The following CHD5 variants were observed in gnomAD, a reference collection of about 807,000 sequenced individuals.
CHD5 encodes chromodomain helicase DNA binding protein 5.
In CHD5, 69 loss-of-function variants were observed where a neutral mutation model predicts 230.3. That is an observed-to-expected ratio of 0.30 (90% CI 0.25 to 0.37). CHD5 has a LOEUF of 0.37. CHD5 is among the 10% of genes least tolerant of loss of function. The pLI, the probability that CHD5 is intolerant of heterozygous loss-of-function variation, is 1.00. For synonymous variants in CHD5, 1,064 were observed against 1,065.9 expected, an observed-to-expected ratio of 1.00 and a Z score of 0.03; for missense variants, 1,827 against 2,622.8, an observed-to-expected ratio of 0.70 and a Z score of 6.63.
chr1:6,146,633 G>A lies in CHD5; in HGVS notation c.1590+32C>T. On this transcript the variant is annotated intron_variant, in intron 10 of 41. Coordinates refer to ENST00000262450, the MANE Select transcript of CHD5 (RefSeq NM_015557.3). This position sits in a 1 kb window ranked among gnomAD's most constrained non-coding sequence, Gnocchi z 5.1. ...GGGTCCAGGGCTCACCAGGTCCCGG[G>A]CCTTAGCACAGCCACCCTCCCGGGC... The A allele has an allele frequency of 6.2e-7, 1 of 1,607,312 alleles. No homozygotes were observed. The highest frequency in any genetic ancestry group is 8.5e-7 in the Non-Finnish European group (1 of 1,174,270).
In CHD5 at chr1:6,128,549, C is replaced by G. The variant is rs1557544846; in HGVS notation, c.3680G>C (p.Gly1227Ala). The G allele has an allele frequency of 1.2e-6, 2 of 1,614,160 alleles. No individual in the cohort carries two copies. The highest frequency in any genetic ancestry group is 1.7e-6 in the Non-Finnish European group (2 of 1,180,024). Residue 1227 changes from glycine (G) to alanine (A), a missense_variant, in exon 24 of 42, where the codon GGG becomes GCG. Gly to Ala is a moderately conservative substitution (Grantham distance 60). This residue lies in a region of CHD5 where 25 missense variants were observed against 20.3 expected (regional missense o/e 1.23). Transcript: ENST00000262450. The surrounding 1 kb of genome is among the most constrained non-coding windows in gnomAD (Gnocchi z 7.8). ...CTTTGCACTGGCGGCCAAGTTCCCC[C>G]CTTTGGAGGACTGGACATCAGGGAT... ...TPIPDVQSSKGGNLAASAKKK... is the reference protein window; with the variant it reads ...TPIPDVQSSKAGNLAASAKKK...
rs1666316966 is a variant in CHD5 at position 6,112,971 on chromosome 1, ATCT to A, written c.4937_4939del (p.Lys1646del). 1.2e-6 allele frequency: 2 copies of A among 1,613,816 alleles called. No individual in the cohort carries two copies. Among genetic ancestry groups the A allele is most frequent in the Non-Finnish European group, 1.7e-6 (2 of 1,179,900 alleles). On this transcript the variant is annotated inframe_deletion, in exon 34 of 42. Coordinates refer to ENST00000262450, the MANE Select transcript of CHD5 (RefSeq NM_015557.3). ...CAAGCTCAGCTCCAGCTTGTCCAGG[ATCT>A]TCTCCTTCTCAGGAAGCACCTCCTC...
In CHD5 at chr1:6,111,791, G is replaced by A. The variant is rs1666295204; in HGVS notation, c.5233C>T (p.Leu1745=). The part of the protein sequence containing the change: ...IWHRRHDYWL[L]AGIVTHGYAR... Reference sequence around the variant, plus strand: ...CAAGGATACGTCACGATGCCCGCCAGCAGCCAGTAGTCATGGCGCCGGTGC... The same window carrying A: ...CAAGGATACGTCACGATGCCCGCCAACAGCCAGTAGTCATGGCGCCGGTGC... Residue 1745 remains leucine, a synonymous_variant, in exon 36 of 42, where the codon CTG becomes TTG. Coordinates refer to ENST00000262450, the MANE Select transcript of CHD5 (RefSeq NM_015557.3). 1.2e-6 allele frequency: 2 copies of A among 1,613,248 alleles called. No homozygotes were observed. The highest frequency in any genetic ancestry group is 2.2e-5 in the East Asian group (1 of 44,884).
rs377385106 is a variant in CHD5, at chr1:6,125,115, C to T, written c.4379G>A (p.Ser1460Asn). 5.0e-6 allele frequency: 8 copies of T among 1,595,236 alleles called. No individual in the cohort carries two copies. In the East Asian group the frequency reaches 1.4e-4, roughly 27 times the overall value. Residue 1460 changes from serine to asparagine, a missense_variant, in exon 29 of 42, where the codon AGC becomes AAC. Coordinates refer to ENST00000262450, the MANE Select transcript of CHD5 (RefSeq NM_015557.3). The surrounding 1 kb of genome is among the most constrained non-coding windows in gnomAD (Gnocchi z 6.7). ...GCCCCTTTACCTAAACTCCTTCTCG[C>T]TCTTCCCTCGAAGGTCCCGCACCAG... ...HWLVRDLRGK[S>N]EKEFRAYVSL...
intron 9 of CHD5, among the ~76,000 whole-genome samples, chr1:6,148,398 A>C (rs1322197556): frequency 6.6e-6 from 1 of 152,156 alleles, no homozygotes; most frequent in East Asian, 1.9e-4. Context: ...GGCTCCAGGA[A>C]CCTGAATTTG....
At position 6,106,636 on chromosome 1, in the gene CHD5, C is replaced by G; in HGVS notation, c.5722G>C (p.Gly1908Arg). 1 of 1,587,246 alleles carries G rather than the reference C, an allele frequency of 6.3e-7. No homozygotes were observed. The highest frequency in any genetic ancestry group is 8.6e-7 in the Non-Finnish European group (1 of 1,167,376). Reference protein sequence around the residue: ...SILSRLTNRAGDPTIQQGAFG... With the variant: ...SILSRLTNRARDPTIQQGAFG... ...CTGACCTGCTGGATGGTGGGGTCCC[C>G]GGCGCGGTTGGTCAGGCGGCTCAGG... The change falls in exon 39 of 42, where the codon GGG becomes CGG. Residue 1908 changes from glycine (G) to arginine (R), a missense_variant. Transcript: ENST00000262450.
chr1:6,129,142 G>A lies in CHD5; in HGVS notation c.3388-73C>T, dbSNP rs570437921. 37 of 1,027,660 alleles carry A rather than the reference G, an allele frequency of 3.6e-5. No individual in the cohort carries two copies. The South Asian group carries it at 5.2e-4, about 14-fold the overall frequency. The allele number at this position is 1,027,660 out of a possible 1,614,324, so 63.7% of individuals were successfully genotyped here. On this transcript the variant is annotated intron_variant, in intron 22 of 41. Coordinates refer to ENST00000262450, the MANE Select transcript of CHD5 (RefSeq NM_015557.3). The surrounding 1 kb of genome is among the most constrained non-coding windows in gnomAD (Gnocchi z 6.8). ...GCAATGGAGGAGATCACACCCATGA[G>A]CTCAAGAGCATGGAATGGGCTGCAT...
At chr1:6,111,997 G>T in intron 35 of CHD5, 114 bp from the exon 36 acceptor site, 1 of 1,359,720 alleles carries the variant, frequency 7.4e-7, no homozygotes, top group Non-Finnish European at 1.0e-6. Context: ...CAGAGGTCCA[G>T]TGTTCCAGGG....
chr1:6,115,878 T>C (rs534331204), intron 33 of CHD5, among the ~76,000 whole-genome samples: 55 of 152,312 alleles, frequency 3.6e-4, no homozygotes, highest in African/African-American at 1.3e-3. Context: ...TTTGCAGTAA[T>C]TTGTGACACA....
Position 6,155,151 on chromosome 1 carries a change from C to CG in CHD5, c.507-254_507-253insC, listed in dbSNP as rs1667062251. Among the ~76,000 whole-genome samples, 2 of 97,520 alleles carry CG rather than the reference C, an allele frequency of 2.1e-5. 1 individual carries two copies. The highest frequency in any genetic ancestry group is 3.8e-5 in the Non-Finnish European group (2 of 52,820). The allele number at this position is 97,520 out of a possible 152,430, so 64.0% of individuals were successfully genotyped here. ...CCACACCCACAGCCCACCCCCAAAACACCCAGCTTCCTGTCCACACCCACA... is the reference window on the plus strand; with the variant it reads ...CCACACCCACAGCCCACCCCCAAAACGACCCAGCTTCCTGTCCACACCCACA... On this transcript the variant is annotated intron_variant, in intron 4 of 41. Transcript: ENST00000262450. The surrounding 1 kb of genome is among the most constrained non-coding windows in gnomAD (Gnocchi z 4.0).
At position 6,130,188 on chromosome 1, in the gene CHD5, C is replaced by T. The variant is rs754550025; in HGVS notation, c.3387+16G>A. The T allele has an allele frequency of 3.7e-6, 6 of 1,612,824 alleles. No homozygotes were observed. The highest frequency in any genetic ancestry group is 2.2e-5 in the South Asian group (2 of 91,006). ...AGAGGCCCCCTGGGAGGGTGGTGGG[C>T]GGCAGCAGCACAGACCTGGATGTCA... On this transcript the variant is annotated intron_variant, in intron 22 of 41. Coordinates refer to ENST00000262450, the MANE Select transcript of CHD5 (RefSeq NM_015557.3). This position sits in a 1 kb window ranked among gnomAD's most constrained non-coding sequence, Gnocchi z 4.9.
rs761927673 is a variant in CHD5, at chr1:6,126,707, C to T, written c.3943G>A (p.Val1315Met). The T allele has an allele frequency of 1.9e-6, 3 of 1,613,994 alleles. No individual in the cohort carries two copies. The highest frequency in any genetic ancestry group is 1.7e-6 in the Non-Finnish European group (2 of 1,179,996). The change falls in exon 26 of 42, where the codon GTG becomes ATG. Residue 1315 changes from valine to methionine, a missense_variant. This residue lies in a region of CHD5 where 137 missense variants were observed against 272.7 expected (regional missense o/e 0.50). Transcript: ENST00000262450. This position sits in a 1 kb window ranked among gnomAD's most constrained non-coding sequence, Gnocchi z 5.7. Reference sequence around the variant, plus strand: ...AGCTTCTCCCAGTAGTCGGGGTCCACGTTCTCCTCCTGCTTGATGATTTCC... The same window carrying T: ...AGCTTCTCCCAGTAGTCGGGGTCCATGTTCTCCTCCTGCTTGATGATTTCC... ...EREIIKQEEN[V>M]DPDYWEKLLR...
At chr1:6,157,776 G>A (rs1571165839) in intron 3 of CHD5, among the ~76,000 whole-genome samples, 1 of 152,178 alleles carries the variant, frequency 6.6e-6, no homozygotes. Flanking sequence ...AGCAGCAGGT[G>A]AGCGAGGGGA....
At chr1:6,120,988 G>T in intron 33 of CHD5, 117 bp downstream of exon 33, 1 of 1,245,796 alleles carries the variant, frequency 8.0e-7, no homozygotes, top group Non-Finnish European at 1.1e-6. Flanking sequence ...GAGGGTTGGA[G>T]TCTACCTCTC....
chr1:6,174,994 GA>G (rs61727086), intron 1 of CHD5, among the ~76,000 whole-genome samples: 34,054 of 148,006 alleles, frequency 0.23, 6,825 homozygotes, highest in African/African-American at 0.55. Context: ...TGGATGGATG[GA>G]TGGCAGATGG....
intron 1 of CHD5, among the ~76,000 whole-genome samples, chr1:6,175,933 T>G (rs1667420355): frequency 6.6e-6 from 1 of 151,668 alleles, no homozygotes; most frequent in African/African-American, 2.4e-5. Context: ...GGATATGGAT[T>G]GATAGGCGGA....
At chr1:6,106,122 G>C (rs1020055601) in intron 41 of CHD5, 112 bp downstream of exon 41, 6 of 1,002,750 alleles carry the variant, frequency 6.0e-6, no homozygotes, top group Non-Finnish European at 9.0e-6. Context: ...GGCAGTAAAA[G>C]CTCCAGGACT....
chr1:6,144,007 G>A lies in CHD5; in HGVS notation c.1934+17C>T, dbSNP rs140919495. On this transcript the variant is annotated intron_variant, in intron 12 of 41. Transcript: ENST00000262450. Reference sequence around the variant, plus strand: ...TCCCGGCAGCCTGTGCCTAGCAGCCGGATCCCTGCGACCCACCTGTGGCCC... The same window carrying A: ...TCCCGGCAGCCTGTGCCTAGCAGCCAGATCCCTGCGACCCACCTGTGGCCC... The A allele has an allele frequency of 2.9e-5, 47 of 1,614,104 alleles. No homozygotes were observed. The highest frequency in any genetic ancestry group is 6.6e-5 in the South Asian group (6 of 91,084).
chr1:6,151,275 A>G, intron 6 of CHD5, 120 bp from the exon 7 acceptor site: 1 of 1,220,850 alleles, frequency 8.2e-7, no homozygotes, highest in Non-Finnish European at 1.1e-6. Context: ...GCTCTCTGTG[A>G]TTCATCTCAG....
Sources: gnomAD v4.1 joint callset for allele counts (sites outside exome capture counted in the v4.1 genomes callset) on GRCh38, gnomAD v4.1.1 for gene constraint, gnomAD v4.1.1 regional missense constraint, Gnocchi (gnomAD v3.1) non-coding constraint, MANE v1.5 for transcripts, NCBI Gene and HGNC (gene_info 2026-07-23, HGNC 2026-07-21) for gene names.